The following FHIT variants were observed in gnomAD, a reference collection of about 807,000 sequenced individuals.
FHIT encodes bis(5'-adenosyl)-triphosphatase.
Under a neutral mutation model 17.9 loss-of-function variants are expected in FHIT, and 19 were observed. The ratio of observed to expected loss-of-function variants is 1.06; its 90% CI spans 0.74 to 1.56. The LOEUF (loss-of-function observed/expected upper bound fraction) is 1.56. Among genes scored for constraint, FHIT ranks in the 40% most tolerant of loss-of-function variants. The probability of loss-of-function intolerance (pLI) is 0.00; values close to 1 mark genes in which losing one functional copy is unlikely to be tolerated. For synonymous variants in FHIT, 81 were observed against 69.7 expected, an observed-to-expected ratio of 1.16 and a Z score of -0.81; for missense variants, 248 against 189.2, an observed-to-expected ratio of 1.31 and a Z score of -1.82.
At chr3:60,971,782 G>A (rs745957577) in intron 3 of FHIT, among the ~76,000 whole-genome samples, 9 of 151,878 alleles carry the variant, frequency 5.9e-5, no homozygotes, top group East Asian at 1.9e-4. Context: ...GCCTGGATCC[G>A]TTAATTCATT....
At chr3:61,074,306 C>G (rs1310607412) in intron 2 of FHIT, among the ~76,000 whole-genome samples, 2 of 152,100 alleles carry the variant, frequency 1.3e-5, no homozygotes, top group Non-Finnish European at 2.9e-5. Context: ...TGAGACATCT[C>G]TAACTGTAAT....
rs868171021 is a variant in FHIT, at chr3:60,134,802, G to A, written c.104-120650C>T. 1.8e-4 allele frequency among the ~76,000 whole-genome samples: 28 copies of A among 152,112 alleles called. 1 individual carries two copies. The highest frequency in any genetic ancestry group is 1.0e-3 in the Admixed American group (16 of 15,274). ...CTGTATCTTGATACAATTAGTTGAG[G>A]TTCTCTTTCAATGTACTCCTTAGAC... On this transcript the variant is annotated intron_variant, in intron 5 of 9. Coordinates refer to ENST00000492590, the MANE Select transcript of FHIT (RefSeq NM_002012.4).
At chr3:60,483,865 A>G (rs2033723397) in intron 5 of FHIT, among the ~76,000 whole-genome samples, 1 of 152,160 alleles carries the variant, frequency 6.6e-6, no homozygotes, top group Non-Finnish European at 1.5e-5. Flanking sequence ...GAGTATTCGC[A>G]TAGGAAGAGA....
In FHIT at chr3:61,175,459, C is replaced by T. The variant is rs1194817499; in HGVS notation, c.-164+25158G>A. Among the ~76,000 whole-genome samples the T allele has an allele frequency of 2.6e-5, 4 of 152,112 alleles. No individual in the cohort carries two copies. In the East Asian group the frequency reaches 5.8e-4, roughly 22 times the overall value. ...ATAGTGAACACATGACATATACTAT[C>T]AACTCAGCTTGACCTTACAACATAG... is the stretch of plus-strand genomic sequence containing the variant. On this transcript the variant is annotated intron_variant, in intron 2 of 9. Coordinates refer to ENST00000492590, the MANE Select transcript of FHIT (RefSeq NM_002012.4).
intron 5 of FHIT, among the ~76,000 whole-genome samples, chr3:60,510,526 A>G (rs894316942): frequency 6.6e-6 from 1 of 152,162 alleles, no homozygotes; most frequent in African/African-American, 2.4e-5. Context: ...AAGCTAGTCA[A>G]ATATGTATCC....
intron 5 of FHIT, among the ~76,000 whole-genome samples, chr3:60,265,245 G>T (rs1209968378): frequency 7.4e-6 from 1 of 134,504 alleles, no homozygotes; most frequent in Non-Finnish European, 1.6e-5. Context: ...TGCTGAAAAT[G>T]AAAAACATAT....
intron 8 of FHIT, among the ~76,000 whole-genome samples, chr3:59,833,472 A>T (rs905112217): frequency 6.6e-6 from 1 of 152,194 alleles, no homozygotes; most frequent in African/African-American, 2.4e-5. Flanking sequence ...AACCAAAGGC[A>T]AGGAAGGATT....
At chr3:60,943,931 T>C (rs2107430007) in intron 3 of FHIT, among the ~76,000 whole-genome samples, 1 of 152,304 alleles carries the variant, frequency 6.6e-6, no homozygotes. Context: ...ACCTCCAATG[T>C]TGCTGTACTT....
At chr3:59,806,228 G>A (rs936542489) in intron 8 of FHIT, among the ~76,000 whole-genome samples, 9 of 151,952 alleles carry the variant, frequency 5.9e-5, no homozygotes, top group Admixed American at 1.3e-4. Context: ...AATGGATGTT[G>A]TAAAGCCTAG....
Position 60,513,626 on chromosome 3 carries a change from C to A in FHIT, c.103+23234G>T, listed in dbSNP as rs143579786. ...ACACACACAGGAACAGAAAACCAAA[C>A]ACCACATGTTCTCACTTACAAGAGG... On this transcript the variant is annotated intron_variant, in intron 5 of 9. Coordinates refer to ENST00000492590, the MANE Select transcript of FHIT (RefSeq NM_002012.4). 3.8e-3 allele frequency among the ~76,000 whole-genome samples: 585 copies of A among 152,298 alleles called. 3 individuals carry two copies. Among genetic ancestry groups the A allele is most frequent in the African/African-American group, 0.014 (563 of 41,568 alleles).
intron 5 of FHIT, among the ~76,000 whole-genome samples, chr3:60,276,208 G>C (rs143963256): frequency 1.3e-5 from 2 of 151,990 alleles, no homozygotes; most frequent in South Asian, 2.1e-4. Flanking sequence ...GGATGGCCTC[G>C]ATCTCCTGAC....
chr3:60,322,562 C>A (rs1176111413), intron 5 of FHIT, among the ~76,000 whole-genome samples: 4 of 152,108 alleles, frequency 2.6e-5, no homozygotes, highest in African/African-American at 9.7e-5. Context: ...AATAAGGGCA[C>A]CGGACAAGAA....
intron 5 of FHIT, among the ~76,000 whole-genome samples, chr3:60,185,384 C>T (rs940682695): frequency 4.6e-5 from 7 of 152,138 alleles, no homozygotes; most frequent in Admixed American, 6.6e-5. Flanking sequence ...CAGTAGATAG[C>T]CTTTTCAGAC....
intron 2 of FHIT, among the ~76,000 whole-genome samples, chr3:61,054,058 T>A (rs915916485): frequency 6.6e-6 from 1 of 152,194 alleles, no homozygotes; most frequent in African/African-American, 2.4e-5. Context: ...GCCCAGCTAG[T>A]CCCTGATGTC....
chr3:60,531,557 C>T (rs1439027998), intron 5 of FHIT, among the ~76,000 whole-genome samples: 1 of 152,090 alleles, frequency 6.6e-6, no homozygotes, highest in Non-Finnish European at 1.5e-5. Context: ...GGATTACAGG[C>T]GTGAGCCACC....
chr3:60,246,016 A>G (rs181112806), intron 5 of FHIT, among the ~76,000 whole-genome samples: 1 of 152,234 alleles, frequency 6.6e-6, no homozygotes, highest in African/African-American at 2.4e-5. Context: ...ATGTTAAAGT[A>G]AACTGTTTAA....
intron 7 of FHIT, among the ~76,000 whole-genome samples, chr3:59,940,079 C>A (rs775963750): frequency 2.0e-5 from 3 of 152,086 alleles, no homozygotes; most frequent in Non-Finnish European, 4.4e-5. Flanking sequence ...AGCTGTGGGA[C>A]CTGAGATAGT....
intron 2 of FHIT, among the ~76,000 whole-genome samples, chr3:61,139,763 C>T (rs2037022615): frequency 6.6e-6 from 1 of 152,004 alleles, no homozygotes; most frequent in African/African-American, 2.4e-5. Flanking sequence ...TATAATCTTA[C>T]AAGTAGGGTT....
Position 59,765,852 on chromosome 3 carries a change from T to C in FHIT, c.349-13531A>G, listed in dbSNP as rs556267474. On this transcript the variant is annotated intron_variant, in intron 8 of 9. Transcript: ENST00000492590. ...AACATCCCACCAGGGAGTAGATGAA[T>C]AAACCCTGATATGTTCACATAATTA... Among the ~76,000 whole-genome samples the C allele has an allele frequency of 2.0e-3, 307 of 152,284 alleles. 1 individual carries two copies. The highest frequency in any genetic ancestry group is 3.5e-3 in the Non-Finnish European group (238 of 68,026).
Sources: gnomAD v4.1 joint callset for allele counts (sites outside exome capture counted in the v4.1 genomes callset) on GRCh38, gnomAD v4.1.1 for gene constraint, MANE v1.5 for transcripts, NCBI Gene and HGNC (gene_info 2026-07-23, HGNC 2026-07-21) for gene names.